The following RTL4 variants were observed in gnomAD, a reference collection of about 807,000 sequenced individuals.
The protein encoded by RTL4 is retrotransposon Gag-like protein 4.
A neutral mutation model predicts 5.3 loss-of-function variants in RTL4; 4 were observed. The ratio of observed to expected loss-of-function variants is 0.75; its 90% CI spans 0.37 to 1.72. The LOEUF is 1.72. Among genes scored for constraint, RTL4 ranks in the 40% most tolerant of loss-of-function variants. The probability of loss-of-function intolerance (pLI) is 0.04; values close to 1 mark genes in which losing one functional copy is unlikely to be tolerated. For synonymous variants in RTL4, 98 were observed against 87.3 expected (o/e 1.12, Z -0.68); for missense variants, 260 against 227.1 (o/e 1.14, Z -0.93).
At chrX:112,130,636 TCAAA>T in the RTL4 span, among the ~76,000 whole-genome samples, 1 of 111,086 alleles carries the variant, frequency 9.0e-6, no homozygotes, top group East Asian at 2.8e-4. Context: ...AATATTTCTG[TCAAA>T]CTAAATGGGA....
At chrX:112,125,343 C>G in the RTL4 span, among the ~76,000 whole-genome samples, 1 of 111,499 alleles carries the variant, frequency 9.0e-6, no homozygotes, top group Non-Finnish European at 1.9e-5. Context: ...GTTATCAGCT[C>G]ACAAAGGAAA....
At chrX:112,329,088 A>C in the RTL4 span, among the ~76,000 whole-genome samples, 41 of 110,811 alleles carry the variant, frequency 3.7e-4, no homozygotes, top group East Asian at 0.01. Context: ...CTAACATCAC[A>C]ATTAAAAGAA....
At chrX:112,315,693 A>G in the RTL4 span, among the ~76,000 whole-genome samples, 27,426 of 110,692 alleles carry the variant, frequency 0.25, 2,716 homozygotes, top group African/African-American at 0.33. Flanking sequence ...GGCATTTATT[A>G]CATGTCTCCT....
chrX:112,455,702 C>T (rs934711767), exon 1 of RTL4: 59 of 1,118,484 alleles, frequency 5.3e-5, no homozygotes, highest in Non-Finnish European at 6.8e-5. Flanking sequence ...TACATCCCAG[C>T]CTTACTGATT....
At chrX:112,128,295 G>C in the RTL4 span, among the ~76,000 whole-genome samples, 5 of 111,568 alleles carry the variant, frequency 4.5e-5, no homozygotes, top group African/African-American at 1.6e-4. Context: ...TGACAAGGGT[G>C]CCAAGGCCAT....
At chrX:112,145,206 C>G in the RTL4 span, among the ~76,000 whole-genome samples, 4 of 111,782 alleles carry the variant, frequency 3.6e-5, no homozygotes, top group Non-Finnish European at 7.5e-5. Context: ...ATTATGAGCA[C>G]AGGAGCAATA....
At chrX:112,335,810 C>CTTTA in the RTL4 span, among the ~76,000 whole-genome samples, 52 of 108,986 alleles carry the variant, frequency 4.8e-4, no homozygotes, top group Admixed American at 1.7e-3. Flanking sequence ...CCAGTAAAAT[C>CTTTA]TTTATTTATT....
the RTL4 span, among the ~76,000 whole-genome samples, chrX:112,341,667 CT>C: frequency 8.9e-6 from 1 of 111,745 alleles, no homozygotes; most frequent in African/African-American, 3.3e-5. Context: ...AAATAGCTCT[CT>C]TATTCCAGTT....
At chrX:112,373,918 C>G in the RTL4 span, among the ~76,000 whole-genome samples, 1 of 110,596 alleles carries the variant, frequency 9.0e-6, no homozygotes, top group African/African-American at 3.3e-5. Context: ...GTTCTTTGCT[C>G]AACACAAAGT....
the RTL4 span, among the ~76,000 whole-genome samples, chrX:112,288,369 T>G: frequency 8.9e-6 from 1 of 112,255 alleles, no homozygotes; most frequent in Admixed American, 9.5e-5. Context: ...TCCTGATGTT[T>G]GTTTTTATTG....
chrX:112,140,646 A>G, the RTL4 span, among the ~76,000 whole-genome samples: 1 of 110,766 alleles, frequency 9.0e-6, no homozygotes, highest in African/African-American at 3.3e-5. Flanking sequence ...CACTAATCCC[A>G]TTCATGAGGG....
chrX:112,117,551 G>A, the RTL4 span, among the ~76,000 whole-genome samples: 165 of 111,046 alleles, frequency 1.5e-3, no homozygotes, highest in Non-Finnish European at 2.6e-3. Flanking sequence ...ATCTTAATAA[G>A]CAATTCACAA....
chrX:112,342,973 C>T, the RTL4 span, among the ~76,000 whole-genome samples: 14 of 110,965 alleles, frequency 1.3e-4, no homozygotes, highest in East Asian at 2.8e-4. Context: ...TGGTGGCGTG[C>T]GCCTGTAGTC....
At chrX:112,399,126 A>G in the RTL4 span, among the ~76,000 whole-genome samples, 1,887 of 112,009 alleles carry the variant, frequency 0.017, 47 homozygotes, top group African/African-American at 0.058. Context: ...TCATTTTTAT[A>G]ACTATAGAAT....
the RTL4 span, among the ~76,000 whole-genome samples, chrX:112,179,697 C>T: frequency 1.8e-5 from 2 of 112,070 alleles, no homozygotes; most frequent in African/African-American, 6.5e-5. Flanking sequence ...ATTGAGTGAA[C>T]AAAACAAACA....
At chrX:112,178,177 C>T in the RTL4 span, among the ~76,000 whole-genome samples, 6 of 111,367 alleles carry the variant, frequency 5.4e-5, no homozygotes, top group African/African-American at 2.0e-4. Flanking sequence ...GAGCATACCC[C>T]TGCTGTTTAG....
At chrX:112,176,026 CAA>C in the RTL4 span, among the ~76,000 whole-genome samples, 1 of 110,775 alleles carries the variant, frequency 9.0e-6, no homozygotes, top group Non-Finnish European at 1.9e-5. Flanking sequence ...GCAACTTCAG[CAA>C]AGTCTCAGGA....
At chrX:112,419,627 A>AC in the RTL4 span, among the ~76,000 whole-genome samples, 26 of 93,769 alleles carry the variant, frequency 2.8e-4, no homozygotes, top group African/African-American at 8.9e-4. Context: ...ATATATATTT[A>AC]AGTATGTAAA....
chrX:112,399,768 A>T, the RTL4 span, among the ~76,000 whole-genome samples: 2 of 111,485 alleles, frequency 1.8e-5, no homozygotes, highest in Non-Finnish European at 3.8e-5. Context: ...TTCCTTTTAC[A>T]TTTCTTAGAG....
Sources: allele counts gnomAD v4.1 joint callset (sites outside exome capture counted in the v4.1 genomes callset), GRCh38; gene constraint gnomAD v4.1.1; transcripts MANE v1.5; gene names NCBI Gene and HGNC (gene_info 2026-07-23, HGNC 2026-07-21).